Variants in PTPRG observed in about 807,000 individuals in gnomAD.
The protein encoded by PTPRG is protein tyrosine phosphatase receptor type G.
Under a neutral mutation model 165.3 loss-of-function variants are expected in PTPRG, and 102 were observed. The observed-to-expected ratio is 0.62, with a 90% CI of 0.53 to 0.73. PTPRG has a LOEUF of 0.73. Among genes scored for constraint, PTPRG ranks in the 30% least tolerant of loss-of-function variants. PTPRG has a pLI of 0.00. For missense variants in PTPRG, 1,866 were observed against 1,861.4 expected, an observed-to-expected ratio of 1.00 and a Z score of -0.05; for synonymous variants, 675 against 669.5, an observed-to-expected ratio of 1.01 and a Z score of -0.13.
chr3:61,790,976 T>A (rs2034851854), intron 2 of PTPRG, among the ~76,000 whole-genome samples: 1 of 152,206 alleles, frequency 6.6e-6, no homozygotes, highest in Admixed American at 6.5e-5. Flanking sequence ...TTAAAATGAA[T>A]TATCAGTCAG....
At chr3:61,814,353 G>A (rs1176021208) in intron 2 of PTPRG, among the ~76,000 whole-genome samples, 1 of 152,136 alleles carries the variant, frequency 6.6e-6, no homozygotes, top group Non-Finnish European at 1.5e-5. Context: ...ATAACCACTG[G>A]AGTATTCCAC....
Position 61,689,807 on chromosome 3 carries a change from G to A in PTPRG, c.86-59071G>A, listed in dbSNP as rs72878406. On this transcript the variant is annotated intron_variant, in intron 1 of 29. Coordinates refer to ENST00000474889, the MANE Select transcript of PTPRG (RefSeq NM_002841.4). ...AAATAGAAGAAATCTATCTCATTTT[G>A]CAGTGTTCTTATCCCATCATAAAAA... 2.1e-3 allele frequency among the ~76,000 whole-genome samples: 323 copies of A among 152,252 alleles called. 2 individuals carry two copies. The highest frequency in any genetic ancestry group is 7.5e-3 in the African/African-American group (313 of 41,548).
In PTPRG at chr3:61,643,343, C is replaced by T. The variant is rs1303026306; in HGVS notation, c.85+80971C>T. On this transcript the variant is annotated intron_variant, in intron 1 of 29. Coordinates refer to ENST00000474889, the MANE Select transcript of PTPRG (RefSeq NM_002841.4). Reference sequence around the variant, plus strand: ...ACATACCAACTGATCTCCATATGTACCTTATTTAGATCCCAATTCAAATGA... The same window carrying T: ...ACATACCAACTGATCTCCATATGTATCTTATTTAGATCCCAATTCAAATGA... 3.3e-5 allele frequency among the ~76,000 whole-genome samples: 5 copies of T among 151,944 alleles called. No homozygotes were observed. In the East Asian group the frequency reaches 9.6e-4, roughly 29 times the overall value.
At chr3:62,121,741 A>G (rs1426926469) in intron 5 of PTPRG, among the ~76,000 whole-genome samples, 1 of 152,244 alleles carries the variant, frequency 6.6e-6, no homozygotes, top group East Asian at 1.9e-4. Context: ...TGCTGGAAGA[A>G]TTGAAAGATC....
At chr3:61,680,305 G>A (rs1703387369) in intron 1 of PTPRG, among the ~76,000 whole-genome samples, 1 of 152,040 alleles carries the variant, frequency 6.6e-6, no homozygotes, top group African/African-American at 2.4e-5. Context: ...AGTGAGGGAA[G>A]CAGGGTAGGT....
rs577770974 is a variant in PTPRG at position 61,616,014 on chromosome 3, A to G, written c.85+53642A>G. 9.2e-5 allele frequency among the ~76,000 whole-genome samples: 14 copies of G among 152,286 alleles called. 1 individual carries two copies. In the South Asian group the frequency reaches 1.2e-3, roughly 14 times the overall value. ...TTCCCAGGCTGGAGTGCAGTGGCAC[A>G]ATCTCGGCTCACTGCAACCTCCGCC... On this transcript the variant is annotated intron_variant, in intron 1 of 29. Coordinates refer to ENST00000474889, the MANE Select transcript of PTPRG (RefSeq NM_002841.4).
intron 2 of PTPRG, among the ~76,000 whole-genome samples, chr3:61,915,763 G>A (rs1474268866): frequency 6.6e-6 from 1 of 152,268 alleles, no homozygotes; most frequent in South Asian, 2.1e-4. Context: ...TCAGCAAGAA[G>A]ACGCAATCAC....
intron 2 of PTPRG, among the ~76,000 whole-genome samples, chr3:61,755,584 A>C (rs573652756): frequency 6.6e-6 from 1 of 152,316 alleles, no homozygotes; most frequent in Non-Finnish European, 1.5e-5. Context: ...GTGTTGTGCT[A>C]AATGTGAAGG....
At chr3:61,800,079 T>A (rs2035186465) in intron 2 of PTPRG, among the ~76,000 whole-genome samples, 1 of 152,124 alleles carries the variant, frequency 6.6e-6, no homozygotes, top group African/African-American at 2.4e-5. Flanking sequence ...GAGTGAAAAA[T>A]AAAGACTCTG....
chr3:61,597,052 G>C (rs1700719634), intron 1 of PTPRG, among the ~76,000 whole-genome samples: 1 of 152,054 alleles, frequency 6.6e-6, no homozygotes, highest in Non-Finnish European at 1.5e-5. Context: ...TCATCCCTTT[G>C]TGGAAAGGCA....
chr3:62,150,190 A>C (rs993190057), intron 6 of PTPRG, among the ~76,000 whole-genome samples: 1 of 152,270 alleles, frequency 6.6e-6, no homozygotes, highest in Non-Finnish European at 1.5e-5. Flanking sequence ...GTCCCAAAGC[A>C]GCCGTGAATG....
intron 2 of PTPRG, among the ~76,000 whole-genome samples, chr3:61,859,608 A>G (rs1239060769): frequency 3.9e-5 from 5 of 129,388 alleles, no homozygotes; most frequent in African/African-American, 1.5e-4. Flanking sequence ...TTGATAGTCC[A>G]TAGTTTTTTT....
At chr3:61,801,634 G>T (rs2035245890) in intron 2 of PTPRG, among the ~76,000 whole-genome samples, 1 of 152,124 alleles carries the variant, frequency 6.6e-6, no homozygotes, top group Non-Finnish European at 1.5e-5. Context: ...CTCAGTGAGG[G>T]TTGGGTTCCG....
chr3:62,092,340 C>A (rs12715577), intron 5 of PTPRG, among the ~76,000 whole-genome samples: 43,081 of 149,912 alleles, frequency 0.29, 6,906 homozygotes, highest in African/African-American at 0.45. Flanking sequence ...CTCGGGAGGC[C>A]GAGGCAGGAG....
intron 8 of PTPRG, among the ~76,000 whole-genome samples, chr3:62,175,476 G>A (rs1223432335): frequency 6.6e-6 from 1 of 152,172 alleles, no homozygotes; most frequent in Non-Finnish European, 1.5e-5. Context: ...AAGAAAGTCT[G>A]GGAAGAGGTT....
chr3:61,803,515 A>ATGTTGTCCATGTTGTCCAACATGGACAAC (rs2035320318), intron 2 of PTPRG, among the ~76,000 whole-genome samples: 2 of 118,124 alleles, frequency 1.7e-5, no homozygotes, highest in Non-Finnish European at 1.8e-5. Context: ...GACAACATGT[A>ATGTTGTCCATGTTGTCCAACATGGACAAC]ATGCCTCAAA....
At chr3:61,762,926 C>G (rs1369239798) in intron 2 of PTPRG, among the ~76,000 whole-genome samples, 1 of 152,066 alleles carries the variant, frequency 6.6e-6, no homozygotes, top group African/African-American at 2.4e-5. Flanking sequence ...TCCCTGTGTT[C>G]TTAACATGGC....
intron 2 of PTPRG, among the ~76,000 whole-genome samples, chr3:61,868,069 A>C (rs904734778): frequency 1.3e-5 from 2 of 152,192 alleles, no homozygotes; most frequent in Non-Finnish European, 2.9e-5. Flanking sequence ...CCTATTTTAC[A>C]TAAGCCCCTC....
chr3:62,238,844 T>C (rs1006533757), intron 14 of PTPRG, among the ~76,000 whole-genome samples: 3 of 152,122 alleles, frequency 2.0e-5, no homozygotes, highest in Admixed American at 2.0e-4. Context: ...CATACCTAAA[T>C]CAGAGTACTT....
Sources: gnomAD v4.1 joint callset for allele counts (sites outside exome capture counted in the v4.1 genomes callset) on GRCh38, gnomAD v4.1.1 for gene constraint, MANE v1.5 for transcripts, NCBI Gene and HGNC (gene_info 2026-07-23, HGNC 2026-07-21) for gene names.